DNAJC3: variants seen among roughly 807,000 people sequenced by gnomAD.
DNAJC3 encodes the protein DnaJ heat shock protein family (Hsp40) member C3, also known as dnaJ homolog subfamily C member 3.
DNAJC3 carries 38 observed loss-of-function variants against 68.6 expected under a neutral mutation model. That is an observed-to-expected ratio of 0.55 (90% confidence interval 0.43 to 0.73). The LOEUF is 0.73. Among genes scored for constraint, DNAJC3 ranks in the 30% least tolerant of loss-of-function variants. The pLI is 0.00. For missense variants in DNAJC3, 526 were observed against 591.9 expected, an observed-to-expected ratio of 0.89 and a Z score of 1.16; for synonymous variants, 203 against 204.0, an observed-to-expected ratio of 1.00 and a Z score of 0.04.
intron 1 of DNAJC3, chr13:95,693,608 G>C (rs768454252): frequency 8.4e-6 from 1 of 118,432 alleles, no homozygotes; most frequent in Non-Finnish European, 1.7e-5. Flanking sequence ...TGTAACCTAG[G>C]GATTTTGCTA....
intron 4 of DNAJC3, among the ~76,000 whole-genome samples, chr13:95,726,537 T>A (rs1313093175): frequency 1.3e-5 from 2 of 152,222 alleles, no homozygotes; most frequent in Non-Finnish European, 2.9e-5. Flanking sequence ...TGAAACACAT[T>A]CTTAAAAGGG....
chr13:95,748,840 A>C (rs1158265841), intron 4 of DNAJC3, among the ~76,000 whole-genome samples: 4 of 152,186 alleles, frequency 2.6e-5, no homozygotes, highest in African/African-American at 9.7e-5. Flanking sequence ...AACAAACAAA[A>C]AAACCCAAAG....
chr13:95,751,560 T>C (rs1390739687), intron 4 of DNAJC3, among the ~76,000 whole-genome samples: 1 of 152,194 alleles, frequency 6.6e-6, no homozygotes, highest in Non-Finnish European at 1.5e-5. Flanking sequence ...GATATAAATA[T>C]TTAGAGGAAA....
intron 2 of DNAJC3, among the ~76,000 whole-genome samples, chr13:95,710,031 A>G (rs1352713367): frequency 1.3e-5 from 2 of 152,092 alleles, no homozygotes; most frequent in African/African-American, 4.8e-5. Context: ...TCCTTGGGAG[A>G]TGCTGCAGTT....
In DNAJC3 at chr13:95,737,498, C is replaced by A. The variant is rs1209979895; in HGVS notation, c.393+12246C>A. 1.4e-3 allele frequency among the ~76,000 whole-genome samples: 217 copies of A among 151,544 alleles called. 3 individuals carry two copies. Among genetic ancestry groups the A allele is most frequent in the African/African-American group, 4.7e-3 (193 of 41,140 alleles). The stretch of plus-strand genomic sequence containing the variant: ...CTATTGATTATTGCCACAATTTCAG[C>A]TCCTGTTATTGGTCTATTCAGAGAT... On this transcript the variant is annotated intron_variant, in intron 4 of 11. Coordinates refer to ENST00000602402, the MANE Select transcript of DNAJC3 (RefSeq NM_006260.5).
intron 4 of DNAJC3, among the ~76,000 whole-genome samples, chr13:95,749,390 TTTC>T (rs1882404734): frequency 6.6e-6 from 1 of 152,216 alleles, no homozygotes; most frequent in Non-Finnish European, 1.5e-5. Context: ...TCAAATGTGT[TTTC>T]TTATCAGCTT....
intron 4 of DNAJC3, among the ~76,000 whole-genome samples, chr13:95,732,776 T>C (rs921803902): frequency 2.0e-5 from 3 of 151,750 alleles, no homozygotes; most frequent in African/African-American, 7.3e-5. Context: ...TTATTTGAAA[T>C]CTTTTTTTTT....
At chr13:95,781,216 G>A (rs1883441330) in intron 9 of DNAJC3, among the ~76,000 whole-genome samples, 1 of 152,056 alleles carries the variant, frequency 6.6e-6, no homozygotes, top group African/African-American at 2.4e-5. Context: ...CCCTCCACAG[G>A]CACACCTTTC....
intron 1 of DNAJC3, among the ~76,000 whole-genome samples, chr13:95,703,765 C>T (rs1049310695): frequency 2.0e-5 from 3 of 151,666 alleles, no homozygotes; most frequent in Non-Finnish European, 4.4e-5. Flanking sequence ...AAATATGTGG[C>T]TTCCTTCATC....
intron 4 of DNAJC3, among the ~76,000 whole-genome samples, chr13:95,727,131 A>G (rs940108742): frequency 2.6e-5 from 4 of 151,942 alleles, no homozygotes; most frequent in African/African-American, 9.7e-5. Flanking sequence ...CAAATGGATG[A>G]ATGAATTATA....
intron 4 of DNAJC3, among the ~76,000 whole-genome samples, chr13:95,740,640 A>G (rs1468114403): frequency 6.6e-6 from 1 of 152,124 alleles, no homozygotes; most frequent in Non-Finnish European, 1.5e-5. Context: ...TGCACTTCCC[A>G]AGTGAGGCAA....
At chr13:95,677,369 G>T in intron 1 of DNAJC3, 32 bp downstream of exon 1, 1 of 1,558,746 alleles carries the variant, frequency 6.4e-7, no homozygotes, top group Non-Finnish European at 8.7e-7. Context: ...CCAGGAAGTG[G>T]GCTCCCGGAC....
At chr13:95,763,528 A>C in intron 7 of DNAJC3, 115 bp from the exon 8 acceptor site, 6 of 923,634 alleles carry the variant, frequency 6.5e-6, no homozygotes, top group Non-Finnish European at 9.6e-6. Flanking sequence ...ATCTGAAGCC[A>C]TGGGCTCATC....
chr13:95,739,058 G>T (rs1370724139), intron 4 of DNAJC3, among the ~76,000 whole-genome samples: 7 of 151,912 alleles, frequency 4.6e-5, no homozygotes, highest in South Asian at 4.2e-4. Context: ...GTCTGTAAAG[G>T]ATTTTATTTC....
At chr13:95,735,456 A>G (rs1314867205) in intron 4 of DNAJC3, among the ~76,000 whole-genome samples, 10 of 134,284 alleles carry the variant, frequency 7.4e-5, no homozygotes, top group Middle Eastern at 3.7e-3. Flanking sequence ...AAGTGTTCCT[A>G]TTTCTCCACA....
chr13:95,764,058 A>G (rs745816912), intron 9 of DNAJC3, 105 bp downstream of exon 9: 8 of 1,498,738 alleles, frequency 5.3e-6, no homozygotes, highest in Admixed American at 2.2e-5. Context: ...GTACCTGGAA[A>G]TGTTGACAAT....
chr13:95,783,940 GA>G (rs1403842323), intron 9 of DNAJC3, among the ~76,000 whole-genome samples: 1 of 152,160 alleles, frequency 6.6e-6, no homozygotes, highest in Non-Finnish European at 1.5e-5. Flanking sequence ...TTCCATCCAG[GA>G]AGAGGAGGGA....
chr13:95,677,415 C>T, intron 1 of DNAJC3, 78 bp downstream of exon 1: 3 of 1,453,962 alleles, frequency 2.1e-6, no homozygotes, highest in Non-Finnish European at 2.8e-6. Context: ...CGCCCGGGCG[C>T]CTGTCCCGGA....
intron 9 of DNAJC3, among the ~76,000 whole-genome samples, chr13:95,766,455 C>G (rs535690290): frequency 6.6e-6 from 1 of 152,214 alleles, no homozygotes; most frequent in East Asian, 1.9e-4. Context: ...GGCAAAGTTT[C>G]TTTGAATATA....
Sources: gnomAD v4.1 joint callset for allele counts (sites outside exome capture counted in the v4.1 genomes callset) on GRCh38, gnomAD v4.1.1 for gene constraint, MANE v1.5 for transcripts, NCBI Gene and HGNC (gene_info 2026-07-23, HGNC 2026-07-21) for gene names.